ATP13A5: variants seen among roughly 807,000 people sequenced by gnomAD.
The protein encoded by ATP13A5 is ATPase 13A5.
A neutral mutation model predicts 150.2 loss-of-function variants in ATP13A5; 149 were observed. That is an observed-to-expected ratio of 0.99 (90% CI 0.87 to 1.14). ATP13A5 has a LOEUF of 1.14. ATP13A5 is among the 50% of genes most tolerant of loss of function. The pLI, the probability that ATP13A5 is intolerant of heterozygous loss-of-function variation, is 0.00. For synonymous variants in ATP13A5, 497 were observed against 522.2 expected, an observed-to-expected ratio of 0.95 and a Z score of 0.66; for missense variants, 1,383 against 1,449.3, an observed-to-expected ratio of 0.95 and a Z score of 0.74.
chr3:193,326,408 G>C (rs946718752), intron 13 of ATP13A5, among the ~76,000 whole-genome samples: 1 of 152,110 alleles, frequency 6.6e-6, no homozygotes, highest in African/African-American at 2.4e-5. Flanking sequence ...AATTCTAGCC[G>C]CACGTCCCTC....
chr3:193,324,844 C>T lies in ATP13A5; in HGVS notation c.1674+20G>A. ...AAGATTTCCTCAGATTCTCATCTTT[C>T]CATTAAACTATCACCTTACCCAGGC... On this transcript the variant is annotated intron_variant, in intron 14 of 29. Transcript: ENST00000342358. 1 of 1,606,238 alleles carries T rather than the reference C, an allele frequency of 6.2e-7. No homozygotes were observed. The highest frequency in any genetic ancestry group is 8.5e-7 in the Non-Finnish European group (1 of 1,177,518).
intron 6 of ATP13A5, among the ~76,000 whole-genome samples, chr3:193,352,130 C>G (rs1712587011): frequency 6.6e-6 from 1 of 152,192 alleles, no homozygotes; most frequent in Non-Finnish European, 1.5e-5. Context: ...CTATAATTCC[C>G]TTATGTACTA....
chr3:193,318,899 C>T, intron 17 of ATP13A5, 92 bp downstream of exon 17: 2 of 870,052 alleles, frequency 2.3e-6, no homozygotes, highest in East Asian at 4.9e-5. Flanking sequence ...TGAGAGCCTT[C>T]CAGGTGATTA....
intron 7 of ATP13A5, among the ~76,000 whole-genome samples, chr3:193,348,700 A>T (rs1712447488): frequency 6.6e-6 from 1 of 152,194 alleles, no homozygotes; most frequent in South Asian, 2.1e-4. Flanking sequence ...GTGTTTGTTT[A>T]CCTAAGTCTT....
chr3:193,336,977 C>G (rs531696818), intron 9 of ATP13A5, among the ~76,000 whole-genome samples: 2 of 152,280 alleles, frequency 1.3e-5, no homozygotes, highest in South Asian at 4.1e-4. Context: ...TTGCATTTCT[C>G]TGATGGCCAG....
At chr3:193,291,815 A>G (rs1259727185) in intron 25 of ATP13A5, among the ~76,000 whole-genome samples, 2 of 152,026 alleles carry the variant, frequency 1.3e-5, no homozygotes, top group East Asian at 3.9e-4. Context: ...AGGACAATGG[A>G]AGTGTCTCTC....
intron 17 of ATP13A5, among the ~76,000 whole-genome samples, chr3:193,318,780 C>A (rs945983797): frequency 6.6e-6 from 1 of 152,188 alleles, no homozygotes; most frequent in African/African-American, 2.4e-5. Context: ...CAAGTACCAT[C>A]CTTGTTCTGC....
At chr3:193,324,787 C>G in intron 14 of ATP13A5, 77 bp downstream of exon 14, 1 of 1,515,764 alleles carries the variant, frequency 6.6e-7, no homozygotes, top group South Asian at 1.2e-5. Flanking sequence ...TGTGTTTTAA[C>G]AAAAATTAGA....
chr3:193,331,010 C>T, intron 12 of ATP13A5, 113 bp downstream of exon 12: 2 of 1,120,138 alleles, frequency 1.8e-6, no homozygotes, highest in Non-Finnish European at 2.6e-6. Context: ...TCTCTGGCCT[C>T]AACGTTCCTA....
chr3:193,284,979 T>C lies in ATP13A5; in HGVS notation c.3161A>G (p.Asn1054Ser). 1.2e-6 allele frequency: 2 copies of C among 1,614,088 alleles called. No homozygotes were observed. Among genetic ancestry groups the C allele is most frequent in the Non-Finnish European group, 1.7e-6 (2 of 1,179,970 alleles). The change falls in exon 27 of 30, where the codon AAC (asparagine) becomes AGC (serine). Residue 1054 changes from asparagine (N) to serine (S), a missense_variant. Physicochemically the swap from Asn to Ser is conservative, Grantham distance 46 (BLOSUM62 1). This residue lies in a region of ATP13A5 where 568 missense variants were observed against 621.5 expected (regional missense o/e 0.91). Coordinates refer to ENST00000342358, the MANE Select transcript of ATP13A5 (RefSeq NM_198505.4). Reference protein sequence around the residue: ...TTTLWPITTINYITVAFIFSK... With the variant: ...TTTLWPITTISYITVAFIFSK... ...AAAGATGAATGCTACTGTGATATAG[T>C]TGATGGTGGTGATGGGCCACAGTGT...
chr3:193,278,259 T>C (rs1052115260), intron 28 of ATP13A5, among the ~76,000 whole-genome samples: 1 of 152,240 alleles, frequency 6.6e-6, no homozygotes, highest in Non-Finnish European at 1.5e-5. Flanking sequence ...ATTTCCTAAT[T>C]GCTTGTCTCT....
chr3:193,358,649 T>C (rs1712884713), intron 5 of ATP13A5, among the ~76,000 whole-genome samples: 1 of 152,216 alleles, frequency 6.6e-6, no homozygotes, highest in Non-Finnish European at 1.5e-5. Context: ...GACCTGCCCA[T>C]TTCTTTCATT....
chr3:193,279,230 C>A, intron 28 of ATP13A5, 136 bp downstream of exon 28: 1 of 634,862 alleles, frequency 1.6e-6, no homozygotes, highest in Non-Finnish European at 2.8e-6. Context: ...ATCTTATTTG[C>A]CCTTCTAGTA....
In ATP13A5 at chr3:193,353,284, T is replaced by C. The variant is rs557223745; in HGVS notation, c.606+843A>G. ...GAAAGCACAGAGAGAAAGAGAAAAA[T>C]TGATGGGGAAAGTGTCCCACTTAAG... is the stretch of plus-strand genomic sequence containing the variant. On this transcript the variant is annotated intron_variant, in intron 6 of 29. Transcript: ENST00000342358. 1.4e-4 allele frequency among the ~76,000 whole-genome samples: 21 copies of C among 147,396 alleles called. No individual in the cohort carries two copies. In the East Asian group the frequency reaches 3.5e-3, roughly 24 times the overall value.
intron 12 of ATP13A5, among the ~76,000 whole-genome samples, chr3:193,329,828 C>A (rs1206723984): frequency 6.6e-6 from 1 of 152,174 alleles, no homozygotes; most frequent in Non-Finnish European, 1.5e-5. Flanking sequence ...GCAATGATCT[C>A]TTCTGTTGTC....
rs1713390313 is a variant in ATP13A5 at position 193,370,148 on chromosome 3, T to C, written c.64-5868A>G. On this transcript the variant is annotated intron_variant, in intron 1 of 29. Coordinates refer to ENST00000342358, the MANE Select transcript of ATP13A5 (RefSeq NM_198505.4). ...TACATTTTTGTTTCCTATAGAATTC[T>C]GAAAGAGGTACCACAGCCCTAACAG... Among the ~76,000 whole-genome samples, 7 of 152,174 alleles carry C rather than the reference T, an allele frequency of 4.6e-5. No homozygotes were observed. In the South Asian group the frequency reaches 1.4e-3, roughly 32 times the overall value.
At chr3:193,355,841 C>T (rs1353019326) in intron 5 of ATP13A5, among the ~76,000 whole-genome samples, 5 of 152,190 alleles carry the variant, frequency 3.3e-5, no homozygotes, top group African/African-American at 1.2e-4. Flanking sequence ...GTCCTCCATT[C>T]TCTCTCCCTC....
intron 17 of ATP13A5, among the ~76,000 whole-genome samples, chr3:193,317,200 A>C (rs1465804804): frequency 6.6e-6 from 1 of 152,094 alleles, no homozygotes; most frequent in Non-Finnish European, 1.5e-5. Context: ...CTCTTATTTT[A>C]TTAAATGTCT....
intron 6 of ATP13A5, among the ~76,000 whole-genome samples, 172 bp downstream of exon 6, chr3:193,353,955 C>T (rs1250046095): frequency 1.3e-5 from 2 of 152,032 alleles, no homozygotes; most frequent in Admixed American, 1.3e-4. Flanking sequence ...ATCTGTCTCA[C>T]ACTGGAAAGG....
Sources: gnomAD v4.1 joint callset for allele counts (sites outside exome capture counted in the v4.1 genomes callset) on GRCh38, gnomAD v4.1.1 for gene constraint, gnomAD v4.1.1 regional missense constraint, MANE v1.5 for transcripts, NCBI Gene and HGNC (gene_info 2026-07-23, HGNC 2026-07-21) for gene names.